Variants in SORCS3 observed in about 807,000 individuals in gnomAD.
The protein encoded by SORCS3 is VPS10 domain-containing receptor SorCS3.
In SORCS3, 57 loss-of-function variants were observed where a neutral mutation model predicts 146.3. The ratio of observed to expected loss-of-function variants is 0.39; its 90% CI spans 0.31 to 0.49. SORCS3 has a LOEUF of 0.49. Among genes scored for constraint, SORCS3 ranks in the 20% least tolerant of loss-of-function variants. The pLI, the probability that SORCS3 is intolerant of heterozygous loss-of-function variation, is 0.92. For missense variants in SORCS3, 1,341 were observed against 1,575.5 expected, an observed-to-expected ratio of 0.85 and a Z score of 2.52; for synonymous variants, 653 against 618.5, an observed-to-expected ratio of 1.06 and a Z score of -0.83.
intron 2 of SORCS3, among the ~76,000 whole-genome samples, chr10:104,861,847 G>A (rs2018407300): frequency 6.6e-6 from 1 of 152,164 alleles, no homozygotes; most frequent in South Asian, 2.1e-4. Context: ...GGCATGGTTA[G>A]TTCCCTCTGA....
At chr10:104,877,075 T>A (rs960866144) in intron 2 of SORCS3, among the ~76,000 whole-genome samples, 1 of 152,112 alleles carries the variant, frequency 6.6e-6, no homozygotes, top group Non-Finnish European at 1.5e-5. Flanking sequence ...GGTCTTGAAC[T>A]TCTGGGCTCA....
chr10:104,984,335 T>A (rs890772855), intron 4 of SORCS3, among the ~76,000 whole-genome samples: 4 of 152,304 alleles, frequency 2.6e-5, no homozygotes, highest in African/African-American at 9.6e-5. Context: ...CAGGTTTCAG[T>A]TTTTAAAATG....
intron 1 of SORCS3, among the ~76,000 whole-genome samples, chr10:104,749,499 A>G (rs1415085285): frequency 1.3e-5 from 2 of 152,194 alleles, no homozygotes; most frequent in South Asian, 2.1e-4. Flanking sequence ...AAAGGGAAGC[A>G]TGTAAAATAC....
chr10:104,959,284 A>G (rs2054775861), intron 3 of SORCS3, among the ~76,000 whole-genome samples: 1 of 152,154 alleles, frequency 6.6e-6, no homozygotes, highest in African/African-American at 2.4e-5. Flanking sequence ...TAGGATTCAT[A>G]TAAAATTTTA....
In SORCS3 at chr10:104,922,225, G is replaced by C. The variant is rs190472069; in HGVS notation, c.795+6293G>C. 4.0e-3 allele frequency among the ~76,000 whole-genome samples: 605 copies of C among 152,296 alleles called. 1 individual carries two copies. Among genetic ancestry groups the C allele is most frequent in the South Asian group, 0.021 (101 of 4,824 alleles). On this transcript the variant is annotated intron_variant, in intron 3 of 26. Transcript: ENST00000369701. ...GTTGCAGGGTCAGGGAAAGTAAGTG[G>C]CAGGGTAACACATTTTCAGTCCACA...
At chr10:105,090,936 T>C (rs970892859) in intron 6 of SORCS3, among the ~76,000 whole-genome samples, 2 of 152,346 alleles carry the variant, frequency 1.3e-5, no homozygotes, top group Middle Eastern at 3.4e-3. Context: ...AAATCTACTG[T>C]TGGAGGCCAA....
intron 2 of SORCS3, among the ~76,000 whole-genome samples, chr10:104,870,367 A>G (rs2018506389): frequency 6.6e-6 from 1 of 152,166 alleles, no homozygotes; most frequent in African/African-American, 2.4e-5. Context: ...TGCAACAGGT[A>G]TTTATTGAGC....
intron 5 of SORCS3, among the ~76,000 whole-genome samples, chr10:105,061,728 A>G (rs1249133978): frequency 6.6e-6 from 1 of 151,122 alleles, no homozygotes; most frequent in Non-Finnish European, 1.5e-5. Context: ...GGAATGAGGG[A>G]TATGGCATGG....
intron 4 of SORCS3, among the ~76,000 whole-genome samples, chr10:104,981,521 T>G (rs572485072): frequency 6.6e-6 from 1 of 152,214 alleles, no homozygotes; most frequent in Non-Finnish European, 1.5e-5. Context: ...CACTGATGAC[T>G]GAAACAGCTT....
At position 105,214,348 on chromosome 10, in the gene SORCS3, T is replaced by G. The variant is rs2056651967; in HGVS notation, c.2376-94T>G. 2.9e-6 allele frequency: 4 copies of G among 1,401,682 alleles called. 1 individual carries two copies. Among genetic ancestry groups the G allele is most frequent in the Admixed American group, 3.7e-5 (2 of 54,026 alleles). The allele number at this position is 1,401,682 out of a possible 1,614,324, so 86.8% of individuals were successfully genotyped here. A position where few individuals can be genotyped will look rare whatever the true frequency, so the allele number is the denominator to read the frequency against. On this transcript the variant is annotated intron_variant, in intron 17 of 26. Coordinates refer to ENST00000369701, the MANE Select transcript of SORCS3 (RefSeq NM_014978.3). ...TGAAGCACCTGTTTTGCTCTTGCTCTCTTACATTCCCTTTATAACACACAC... is the reference window on the plus strand; with the variant it reads ...TGAAGCACCTGTTTTGCTCTTGCTCGCTTACATTCCCTTTATAACACACAC...
At chr10:104,936,448 A>G (rs1266102038) in intron 3 of SORCS3, among the ~76,000 whole-genome samples, 1 of 152,134 alleles carries the variant, frequency 6.6e-6, no homozygotes, top group African/African-American at 2.4e-5. Flanking sequence ...GGTTCCGAGG[A>G]TTTCAACTTG....
intron 16 of SORCS3, among the ~76,000 whole-genome samples, chr10:105,209,943 GTATC>G (rs1205383947): frequency 6.6e-6 from 1 of 152,098 alleles, no homozygotes; most frequent in Non-Finnish European, 1.5e-5. Context: ...GGGGTATGCT[GTATC>G]TCTCTCCCCC....
At chr10:105,240,263 G>T (rs1273322804) in intron 20 of SORCS3, among the ~76,000 whole-genome samples, 1 of 152,108 alleles carries the variant, frequency 6.6e-6, no homozygotes, top group African/African-American at 2.4e-5. Flanking sequence ...CTTAAGAGAG[G>T]GCAGAAAAAG....
At chr10:104,840,000 C>T (rs138688123) in intron 1 of SORCS3, among the ~76,000 whole-genome samples, 1 of 152,154 alleles carries the variant, frequency 6.6e-6, no homozygotes, top group African/African-American at 2.4e-5. Context: ...ATCAATGTCA[C>T]CCATCAAGGA....
At chr10:104,782,530 A>G (rs1425809575) in intron 1 of SORCS3, among the ~76,000 whole-genome samples, 2 of 152,232 alleles carry the variant, frequency 1.3e-5, no homozygotes. Flanking sequence ...CAGTGCAGTA[A>G]CTACACCTTA....
intron 1 of SORCS3, among the ~76,000 whole-genome samples, chr10:104,650,283 G>A (rs1470100865): frequency 6.6e-6 from 1 of 152,150 alleles, no homozygotes; most frequent in African/African-American, 2.4e-5. Context: ...AGGGAGTGTT[G>A]CCCTGGGAAA....
rs534314564 is a variant in SORCS3, at chr10:105,084,005, A to C, written c.1029-5770A>C. Among the ~76,000 whole-genome samples the C allele has an allele frequency of 2.0e-5, 3 of 152,262 alleles. No individual in the cohort carries two copies. In the East Asian group the frequency reaches 5.8e-4, roughly 29 times the overall value. On this transcript the variant is annotated intron_variant, in intron 5 of 26. Transcript: ENST00000369701. ...AAGCCACCTGCCTGGTTTGAGTCTG[A>C]GTTTTGTTGCTTCGTGGCTACATGT... is the stretch of plus-strand genomic sequence containing the variant.
At chr10:105,071,344 G>A (rs1349624) in intron 5 of SORCS3, among the ~76,000 whole-genome samples, 9,042 of 152,290 alleles carry the variant, frequency 0.059, 292 homozygotes, top group Middle Eastern at 0.088. Context: ...TCCTCATGAA[G>A]CACACGAGCT....
chr10:105,107,070 C>G (rs1412176784), intron 7 of SORCS3, among the ~76,000 whole-genome samples: 1 of 152,152 alleles, frequency 6.6e-6, no homozygotes, highest in Non-Finnish European at 1.5e-5. Context: ...AAATAACCAA[C>G]TCAGGATCCC....
Sources: gnomAD v4.1 joint callset for allele counts (sites outside exome capture counted in the v4.1 genomes callset) on GRCh38, gnomAD v4.1.1 for gene constraint, MANE v1.5 for transcripts, NCBI Gene and HGNC (gene_info 2026-07-23, HGNC 2026-07-21) for gene names.